SLC25A12: variants seen among roughly 807,000 people sequenced by gnomAD.
SLC25A12 encodes solute carrier family 25 member 12.
A neutral mutation model predicts 83.3 loss-of-function variants in SLC25A12; 32 were observed. The observed-to-expected ratio is 0.38, with a 90% CI of 0.29 to 0.52. The LOEUF (loss-of-function observed/expected upper bound fraction) is 0.52. Ranked by LOEUF, SLC25A12 falls within the 20% of genes least tolerant of loss-of-function variation. The pLI is 0.84. For missense variants in SLC25A12, 611 were observed against 835.6 expected (o/e 0.73, Z 3.31); for synonymous variants, 267 against 291.1 (o/e 0.92, Z 0.84).
intron 2 of SLC25A12, among the ~76,000 whole-genome samples, chr2:171,881,779 A>G (rs890396260): frequency 6.6e-6 from 1 of 152,192 alleles, no homozygotes; most frequent in South Asian, 2.1e-4. Context: ...TCTTTGTAGG[A>G]CAATCAATAG....
intron 8 of SLC25A12, among the ~76,000 whole-genome samples, chr2:171,833,576 C>T (rs1684492523): frequency 6.6e-6 from 1 of 152,166 alleles, no homozygotes; most frequent in South Asian, 2.1e-4. Context: ...CAGCCTCTTT[C>T]CCACTTTATG....
At chr2:171,818,306 G>A (rs187077270) in intron 9 of SLC25A12, among the ~76,000 whole-genome samples, 5 of 152,158 alleles carry the variant, frequency 3.3e-5, no homozygotes, top group East Asian at 1.9e-4. Context: ...GATTATGGTC[G>A]TAAAGTTTGA....
intron 3 of SLC25A12, 81 bp downstream of exon 3, chr2:171,868,600 C>A: frequency 7.2e-7 from 1 of 1,391,786 alleles, no homozygotes; most frequent in East Asian, 2.3e-5. Context: ...AGGCATGAGC[C>A]ACTGTGCCCA....
Position 171,809,594 on chromosome 2 carries a change from A to G in SLC25A12, c.1305+12T>C, listed in dbSNP as rs113110548. The G allele has an allele frequency of 6.2e-7, 1 of 1,604,818 alleles. No homozygotes were observed. Reference sequence around the variant, plus strand: ...GTATTTGTCACAAGAAGCGCCTAACAGTAATACTTACACAGCCTCCAGCAA... The same window carrying G: ...GTATTTGTCACAAGAAGCGCCTAACGGTAATACTTACACAGCCTCCAGCAA... On this transcript the variant is annotated intron_variant, in intron 13 of 17. Transcript: ENST00000422440.
intron 2 of SLC25A12, among the ~76,000 whole-genome samples, chr2:171,891,776 G>A (rs367749919): frequency 3.9e-5 from 6 of 152,286 alleles, no homozygotes; most frequent in South Asian, 4.1e-4. Context: ...TGCCTGCAAG[G>A]AATAAAGGTT....
At chr2:171,812,927 T>A (rs116067221) in intron 11 of SLC25A12, among the ~76,000 whole-genome samples, 2,833 of 152,236 alleles carry the variant, frequency 0.019, 57 homozygotes, top group Admixed American at 0.067. Context: ...AACTCATCTT[T>A]GAGTGGTAAC....
chr2:171,851,021 C>T (rs1407531932), intron 4 of SLC25A12, among the ~76,000 whole-genome samples: 1 of 152,178 alleles, frequency 6.6e-6, no homozygotes, highest in African/African-American at 2.4e-5. Flanking sequence ...GAGGTTTCTT[C>T]AGTCAGAGGG....
intron 9 of SLC25A12, among the ~76,000 whole-genome samples, chr2:171,826,217 G>A (rs2105878025): frequency 6.6e-6 from 1 of 152,232 alleles, no homozygotes; most frequent in Admixed American, 6.5e-5. Flanking sequence ...TAATTCTAAG[G>A]GGAACGGGGT....
intron 3 of SLC25A12, among the ~76,000 whole-genome samples, chr2:171,867,875 C>T (rs555017543): frequency 6.6e-5 from 10 of 152,180 alleles, no homozygotes; most frequent in Non-Finnish European, 1.0e-4. Flanking sequence ...GATGGAGCCT[C>T]GCTCTGTTGC....
chr2:171,853,918 A>G lies in SLC25A12; in HGVS notation c.325+1916T>C, dbSNP rs146275191. ...AATGGAGGAGACACAAAGAACCATG[A>G]TATCAAGGTAGAGGGACAAAAATTA... is the stretch of plus-strand genomic sequence containing the variant. On this transcript the variant is annotated intron_variant, in intron 4 of 17. Coordinates refer to ENST00000422440, the MANE Select transcript of SLC25A12 (RefSeq NM_003705.5). 6.6e-5 allele frequency among the ~76,000 whole-genome samples: 10 copies of G among 152,330 alleles called. No individual in the cohort carries two copies. The East Asian group carries it at 1.9e-3, about 29-fold the overall frequency.
chr2:171,866,713 G>A lies in SLC25A12; in HGVS notation c.209+1968C>T, dbSNP rs569666323. Among the ~76,000 whole-genome samples, 189 of 140,394 alleles carry A rather than the reference G, an allele frequency of 1.3e-3. 3 individuals carry two copies. Among genetic ancestry groups the A allele is most frequent in the African/African-American group, 4.3e-3 (160 of 37,098 alleles). 92.1% of individuals were successfully genotyped at this position (140,394 alleles called of 152,430 possible). ...TCCTCACTTCCCAGTAGGGGCAGCCGGGCAGAGGCGCCCCTCACCTCCCGG... is the reference window on the plus strand; with the variant it reads ...TCCTCACTTCCCAGTAGGGGCAGCCAGGCAGAGGCGCCCCTCACCTCCCGG... On this transcript the variant is annotated intron_variant, in intron 3 of 17. Transcript: ENST00000422440.
At chr2:171,851,871 C>T (rs1684941744) in intron 4 of SLC25A12, among the ~76,000 whole-genome samples, 2 of 152,154 alleles carry the variant, frequency 1.3e-5, no homozygotes, top group Non-Finnish European at 2.9e-5. Context: ...ATGGCAGCTA[C>T]TGACAACACA....
chr2:171,827,222 G>A (rs528970810), intron 8 of SLC25A12, among the ~76,000 whole-genome samples: 92 of 152,118 alleles, frequency 6.0e-4, no homozygotes, highest in Middle Eastern at 3.4e-3. Context: ...AAGGACAGGC[G>A]CAAAGTATCT....
At chr2:171,863,730 TAA>T (rs1238224016) in intron 3 of SLC25A12, among the ~76,000 whole-genome samples, 4 of 152,212 alleles carry the variant, frequency 2.6e-5, no homozygotes, top group Non-Finnish European at 5.9e-5. Flanking sequence ...TGATAATTTC[TAA>T]AAGAGCTAAA....
At chr2:171,811,169 ATG>A (rs1302326609) in intron 11 of SLC25A12, among the ~76,000 whole-genome samples, 26 of 152,286 alleles carry the variant, frequency 1.7e-4, no homozygotes, top group African/African-American at 6.3e-4. Context: ...GGAGTTATAT[ATG>A]TGTTTGCCTG....
chr2:171,829,363 C>G (rs1684382418), intron 8 of SLC25A12, among the ~76,000 whole-genome samples: 1 of 152,134 alleles, frequency 6.6e-6, no homozygotes, highest in Non-Finnish European at 1.5e-5. Context: ...AACCTGCCCC[C>G]AAAAGGGCAG....
intron 2 of SLC25A12, among the ~76,000 whole-genome samples, chr2:171,872,509 A>T (rs1685476543): frequency 6.6e-6 from 1 of 152,216 alleles, no homozygotes; most frequent in Non-Finnish European, 1.5e-5. Context: ...ACTGGAAAGA[A>T]GGATGGATAC....
chr2:171,844,420 C>A lies in SLC25A12; in HGVS notation c.414G>T (p.Gly138=). The A allele has an allele frequency of 6.2e-7, 1 of 1,613,892 alleles. No homozygotes were observed. Among genetic ancestry groups the A allele is most frequent in the Non-Finnish European group, 8.5e-7 (1 of 1,179,882 alleles). The part of the protein sequence containing the change: ...WDCEFIRLHF[G]HNRKKHLNYT... ...AGTTAAGATGCTTCTTCCGGTTATG[C>A]CCAAAATGCAGTCGGATAAATTCAC... Residue 138 remains glycine, a synonymous_variant, in exon 5 of 18, where the codon GGG becomes GGT. Transcript: ENST00000422440.
intron 4 of SLC25A12, chr2:171,852,814 T>C (rs1684960038): frequency 3.3e-6 from 1 of 303,916 alleles, no homozygotes; most frequent in East Asian, 8.3e-5. Context: ...TTTCAATATT[T>C]TCCCTCTTAA....
Sources: gnomAD v4.1 joint callset for allele counts (sites outside exome capture counted in the v4.1 genomes callset) on GRCh38, gnomAD v4.1.1 for gene constraint, MANE v1.5 for transcripts, NCBI Gene and HGNC (gene_info 2026-07-23, HGNC 2026-07-21) for gene names.